MAP4: variants seen among roughly 807,000 people sequenced by gnomAD.
MAP4 encodes the protein microtubule-associated protein 4.
Under a neutral mutation model 170.2 loss-of-function variants are expected in MAP4, and 76 were observed. The observed-to-expected ratio is 0.45, with a 90% CI of 0.37 to 0.54. The LOEUF (loss-of-function observed/expected upper bound fraction) is 0.54, where lower values mean the gene tolerates loss of function less well. MAP4 is among the 20% of genes least tolerant of loss of function. MAP4 has a pLI of 0.00. For missense variants in MAP4, 2,506 were observed against 2,748.0 expected (o/e 0.91, Z 1.97); for synonymous variants, 909 against 994.5 (o/e 0.91, Z 1.62).
intron 1 of MAP4, among the ~76,000 whole-genome samples, chr3:48,004,375 G>A (rs1236422305): frequency 6.6e-6 from 1 of 152,194 alleles, no homozygotes; most frequent in African/African-American, 2.4e-5. Context: ...AAGGACTTTA[G>A]TGACTCTATA....
chr3:47,935,970 AC>A (rs1205237680), intron 3 of MAP4, among the ~76,000 whole-genome samples: 1 of 151,282 alleles, frequency 6.6e-6, no homozygotes, highest in East Asian at 1.9e-4. Context: ...TTAGGAATAT[AC>A]CTCAAAAAAA....
chr3:47,942,357 A>G (rs1163171087), intron 3 of MAP4, among the ~76,000 whole-genome samples: 1 of 152,148 alleles, frequency 6.6e-6, no homozygotes, highest in Non-Finnish European at 1.5e-5. Flanking sequence ...TACTACTGAC[A>G]GTTTTTTTTA....
At chr3:48,031,361 C>G (rs1192698917) in intron 1 of MAP4, among the ~76,000 whole-genome samples, 3 of 152,164 alleles carry the variant, frequency 2.0e-5, no homozygotes, top group Non-Finnish European at 4.4e-5. Context: ...ATCATCCTGG[C>G]TAACATGGTG....
chr3:47,860,715 C>T (rs1473285203), intron 17 of MAP4, among the ~76,000 whole-genome samples: 2 of 152,016 alleles, frequency 1.3e-5, no homozygotes, highest in African/African-American at 2.4e-5. Flanking sequence ...AAGAGACAAC[C>T]GAAGAATGAG....
intron 3 of MAP4, among the ~76,000 whole-genome samples, chr3:47,940,247 C>G (rs955372151): frequency 6.6e-6 from 1 of 152,108 alleles, no homozygotes; most frequent in Non-Finnish European, 1.5e-5. Flanking sequence ...CAGTCCCCCG[C>G]CACCATTATT....
chr3:47,892,907 C>T (rs1419235007), intron 10 of MAP4: 2 of 989,188 alleles, frequency 2.0e-6, no homozygotes, highest in African/African-American at 3.5e-5. Flanking sequence ...TGATACCATG[C>T]CCACCCTTCC....
chr3:48,064,440 C>T (rs1266796942), intron 1 of MAP4, among the ~76,000 whole-genome samples: 1 of 152,060 alleles, frequency 6.6e-6, no homozygotes, highest in Non-Finnish European at 1.5e-5. Flanking sequence ...CTCACTGGTC[C>T]CCTACCCACA....
intron 2 of MAP4, among the ~76,000 whole-genome samples, chr3:47,998,274 C>T (rs2100097081): frequency 6.6e-6 from 1 of 152,168 alleles, no homozygotes; most frequent in Admixed American, 6.5e-5. Flanking sequence ...CCAAAGACAA[C>T]AAATGGCATC....
chr3:48,027,453 A>C (rs896356192), intron 1 of MAP4, among the ~76,000 whole-genome samples: 4 of 152,192 alleles, frequency 2.6e-5, no homozygotes, highest in Non-Finnish European at 5.9e-5. Flanking sequence ...CCTAGGTCAA[A>C]CAGGCCCCTT....
At chr3:48,079,934 A>T (rs1255843985) in intron 1 of MAP4, among the ~76,000 whole-genome samples, 1 of 150,642 alleles carries the variant, frequency 6.6e-6, no homozygotes, top group East Asian at 1.9e-4. Flanking sequence ...TGGGCAAAAG[A>T]GTGAGACTCC....
intron 9 of MAP4, among the ~76,000 whole-genome samples, chr3:47,907,982 C>G (rs2100034033): frequency 6.6e-6 from 1 of 152,132 alleles, no homozygotes; most frequent in South Asian, 2.1e-4. Flanking sequence ...AAGTCCATAC[C>G]ATGCAGAACA....
chr3:47,892,607 T>A lies in MAP4; in HGVS notation c.5434+10343A>T, dbSNP rs578255315. On this transcript the variant is annotated intron_variant, in intron 10 of 20. Transcript: ENST00000683076. ...TCCCCAGTATTCATGACAAAATTCA[T>A]CTCTCCCTCAATGCCCCTCTCTCCT... 262 of 1,424,342 alleles carry A rather than the reference T, an allele frequency of 1.8e-4. 1 individual carries two copies. The East Asian group carries it at 6.6e-3, about 36-fold the overall frequency. The allele number at this position is 1,424,342 out of a possible 1,614,324, so 88.2% of individuals were successfully genotyped here.
intron 1 of MAP4, among the ~76,000 whole-genome samples, chr3:48,061,001 C>T (rs1410937196): frequency 2.0e-5 from 3 of 151,854 alleles, no homozygotes; most frequent in Admixed American, 6.6e-5. Context: ...CCCGCCACCA[C>T]GCCCGGCTAA....
intron 3 of MAP4, among the ~76,000 whole-genome samples, chr3:47,968,065 G>A (rs989366589): frequency 6.6e-6 from 1 of 152,164 alleles, no homozygotes; most frequent in African/African-American, 2.4e-5. Context: ...ATCCACAACC[G>A]TAGCATTTTT....
At chr3:47,895,690 C>T (rs2100026467) in intron 10 of MAP4, among the ~76,000 whole-genome samples, 1 of 152,200 alleles carries the variant, frequency 6.6e-6, no homozygotes, top group Admixed American at 6.5e-5. Flanking sequence ...CATCCCTACC[C>T]AACAGCTAAG....
At chr3:47,927,070 A>ATC in intron 4 of MAP4, among the ~76,000 whole-genome samples, 1 of 151,482 alleles carries the variant, frequency 6.6e-6, no homozygotes. Context: ...GAGGCAGGAG[A>ATC]ATCGCTTGAA....
At chr3:47,951,945 G>A (rs967030292) in intron 3 of MAP4, among the ~76,000 whole-genome samples, 1 of 151,280 alleles carries the variant, frequency 6.6e-6, no homozygotes, top group East Asian at 2.0e-4. Flanking sequence ...AGGAAGTGTG[G>A]AGCGTCTCTG....
chr3:48,066,567 C>G (rs1207213594), intron 1 of MAP4, among the ~76,000 whole-genome samples: 1 of 152,122 alleles, frequency 6.6e-6, no homozygotes, highest in Non-Finnish European at 1.5e-5. Context: ...AATCTCCGCT[C>G]ACTGCAACCT....
At chr3:48,052,799 C>T (rs569395115) in intron 1 of MAP4, among the ~76,000 whole-genome samples, 2 of 152,272 alleles carry the variant, frequency 1.3e-5, no homozygotes, top group African/African-American at 4.8e-5. Flanking sequence ...ACATCTCAAA[C>T]CACAAGATGC....
Sources: allele counts gnomAD v4.1 joint callset (sites outside exome capture counted in the v4.1 genomes callset), GRCh38; gene constraint gnomAD v4.1.1; transcripts MANE v1.5; gene names NCBI Gene and HGNC (gene_info 2026-07-23, HGNC 2026-07-21).